Variants in SV2C observed in about 807,000 individuals in gnomAD.
The protein encoded by SV2C is synaptic vesicle glycoprotein 2C.
Under a neutral mutation model 79.7 loss-of-function variants are expected in SV2C, and 49 were observed. That is an observed-to-expected ratio of 0.61 (90% CI 0.49 to 0.78). The LOEUF (loss-of-function observed/expected upper bound fraction) is 0.78. Ranked by LOEUF, SV2C falls within the 30% of genes least tolerant of loss-of-function variation. SV2C has a pLI of 0.00. For missense variants in SV2C, 833 were observed against 912.9 expected, an observed-to-expected ratio of 0.91 and a Z score of 1.13; for synonymous variants, 334 against 333.2, an observed-to-expected ratio of 1.00 and a Z score of -0.03.
At chr5:76,064,750 CAACCTTTCCCT>C in the SV2C span, among the ~76,000 whole-genome samples, 4 of 152,136 alleles carry the variant, frequency 2.6e-5, no homozygotes, top group African/African-American at 4.8e-5. Flanking sequence ...AGGTTAAGGT[CAACCTTTCCCT>C]AACCTTTCCT....
chr5:76,106,618 C>T (rs1474545554), intron 1 of SV2C, among the ~76,000 whole-genome samples: 2 of 152,166 alleles, frequency 1.3e-5, no homozygotes, highest in African/African-American at 2.4e-5. Context: ...TTTAATACAT[C>T]AAGCATGCCC....
chr5:76,001,574 G>A, the SV2C span, among the ~76,000 whole-genome samples: 1 of 148,002 alleles, frequency 6.8e-6, no homozygotes, highest in Non-Finnish European at 1.5e-5. Flanking sequence ...GGGTGACAGA[G>A]CAAGACTCCA....
At chr5:76,283,388 C>G (rs1279881304) in intron 4 of SV2C, among the ~76,000 whole-genome samples, 1 of 152,162 alleles carries the variant, frequency 6.6e-6, no homozygotes, top group Admixed American at 6.5e-5. Context: ...TTCGTTGTTT[C>G]CCCCTATACT....
intron 3 of SV2C, among the ~76,000 whole-genome samples, chr5:76,200,596 G>T (rs1466898587): frequency 6.6e-6 from 1 of 152,116 alleles, no homozygotes; most frequent in East Asian, 1.9e-4. Context: ...CACTGTCTCT[G>T]CAAATAAAGG....
the SV2C span, among the ~76,000 whole-genome samples, chr5:75,936,917 G>C: frequency 6.6e-6 from 1 of 152,196 alleles, no homozygotes; most frequent in Non-Finnish European, 1.5e-5. Context: ...GCTTTGCACA[G>C]TAGTGGGAGA....
intron 2 of SV2C, among the ~76,000 whole-genome samples, chr5:76,155,571 G>A (rs761032717): frequency 6.6e-6 from 1 of 152,138 alleles, no homozygotes; most frequent in Non-Finnish European, 1.5e-5. Context: ...CAGCCCAGAG[G>A]TGTGGGGTTC....
At chr5:76,167,116 C>T (rs114411222) in intron 2 of SV2C, among the ~76,000 whole-genome samples, 1,933 of 152,254 alleles carry the variant, frequency 0.013, 36 homozygotes, top group African/African-American at 0.044. Context: ...GTCATGCTAC[C>T]GGAAAGGAGA....
chr5:75,999,201 A>G, the SV2C span, among the ~76,000 whole-genome samples: 1 of 152,110 alleles, frequency 6.6e-6, no homozygotes, highest in Non-Finnish European at 1.5e-5. Flanking sequence ...CTCCTGCAAC[A>G]CGTGGGAATT....
At chr5:76,162,628 G>A (rs1056212059) in intron 2 of SV2C, among the ~76,000 whole-genome samples, 4 of 152,190 alleles carry the variant, frequency 2.6e-5, no homozygotes, top group Admixed American at 6.5e-5. Context: ...ATTTTAGGCA[G>A]AAGGAAGTTA....
chr5:76,229,138 A>T (rs1030435984), intron 4 of SV2C, among the ~76,000 whole-genome samples: 3 of 152,332 alleles, frequency 2.0e-5, no homozygotes, highest in African/African-American at 7.2e-5. Flanking sequence ...CTTTGGGTGA[A>T]AGTGGAAACC....
chr5:76,330,250 A>T lies in SV2C; in HGVS notation c.*4703A>T, dbSNP rs987884347. On this transcript the variant is annotated 3_prime_UTR_variant, in exon 13 of 13. Coordinates refer to ENST00000502798, the MANE Select transcript of SV2C (RefSeq NM_014979.4). ...CAGGGCTCCCTTCAGTCTTTCTTAA[A>T]CAATATCTAAATGCAGTTTAGTAAT... 3 of 152,162 alleles carry T rather than the reference A, an allele frequency of 2.0e-5. No homozygotes were observed. The highest frequency in any genetic ancestry group is 2.0e-4 in the Admixed American group (3 of 15,278). The allele number at this position is 152,162 out of a possible 1,614,324, so 9.4% of individuals were successfully genotyped here.
intron 1 of SV2C, among the ~76,000 whole-genome samples, chr5:76,128,196 G>T (rs549163940): frequency 6.6e-6 from 1 of 152,084 alleles, no homozygotes; most frequent in Non-Finnish European, 1.5e-5. Flanking sequence ...CTTTCCTGCC[G>T]TCCTGGCCCA....
chr5:76,269,186 C>T (rs1271561131), intron 4 of SV2C, among the ~76,000 whole-genome samples: 3 of 152,150 alleles, frequency 2.0e-5, no homozygotes, highest in Admixed American at 6.5e-5. Flanking sequence ...ATGGCCTCTA[C>T]CTACAAAATG....
chr5:76,002,282 G>T, the SV2C span, among the ~76,000 whole-genome samples: 3 of 152,086 alleles, frequency 2.0e-5, no homozygotes, highest in African/African-American at 7.2e-5. Flanking sequence ...ACATGTGTGT[G>T]CATGTGTCTT....
At chr5:75,861,831 A>T in the SV2C span, among the ~76,000 whole-genome samples, 1 of 152,158 alleles carries the variant, frequency 6.6e-6, no homozygotes, top group Non-Finnish European at 1.5e-5. Context: ...GAAGAGAGAG[A>T]GGAGGGCAAG....
At position 76,153,700 on chromosome 5, in the gene SV2C, T is replaced by C. The variant is rs552980278; in HGVS notation, c.580+21370T>C. ...GAGGGCAAGGGCAAGACTGGAAAGA[T>C]TTAGTAGAGGCAACCTTAGACTTTT... On this transcript the variant is annotated intron_variant, in intron 2 of 12. Coordinates refer to ENST00000502798, the MANE Select transcript of SV2C (RefSeq NM_014979.4). Among the ~76,000 whole-genome samples, 17 of 152,280 alleles carry C rather than the reference T, an allele frequency of 1.1e-4. No individual in the cohort carries two copies. In the South Asian group the frequency reaches 3.5e-3, roughly 32 times the overall value.
chr5:75,884,203 A>T, the SV2C span, among the ~76,000 whole-genome samples: 1 of 152,146 alleles, frequency 6.6e-6, no homozygotes, highest in East Asian at 1.9e-4. Flanking sequence ...ACCAAAGGGG[A>T]CCATGCAAAT....
chr5:75,973,554 G>T, the SV2C span, among the ~76,000 whole-genome samples: 2 of 151,726 alleles, frequency 1.3e-5, no homozygotes, highest in Admixed American at 1.3e-4. Flanking sequence ...TTCCAGGAGG[G>T]TCAGCTTATC....
intron 3 of SV2C, among the ~76,000 whole-genome samples, chr5:76,201,528 A>G (rs1744440984): frequency 6.6e-6 from 1 of 152,232 alleles, no homozygotes; most frequent in African/African-American, 2.4e-5. Context: ...AGAGCCTACC[A>G]AATGTGTACT....
Sources: gnomAD v4.1 joint callset for allele counts (sites outside exome capture counted in the v4.1 genomes callset) on GRCh38, gnomAD v4.1.1 for gene constraint, MANE v1.5 for transcripts, NCBI Gene and HGNC (gene_info 2026-07-23, HGNC 2026-07-21) for gene names.